Variants in MCF2L2 observed in about 807,000 individuals in gnomAD.
The protein encoded by MCF2L2 is MCF.2 cell line derived transforming sequence-like 2.
A neutral mutation model predicts 150.2 loss-of-function variants in MCF2L2; 102 were observed. The ratio of observed to expected loss-of-function variants is 0.68; its 90% CI spans 0.58 to 0.80. The LOEUF is 0.80. Ranked by LOEUF, MCF2L2 falls within the 30% of genes least tolerant of loss-of-function variation. The pLI, the probability that MCF2L2 is intolerant of heterozygous loss-of-function variation, is 0.00. For missense variants in MCF2L2, 1,256 were observed against 1,372.8 expected (o/e 0.91, Z 1.34); for synonymous variants, 465 against 491.3 (o/e 0.95, Z 0.71).
chr3:183,320,904 T>C (rs1729782337), intron 6 of MCF2L2, among the ~76,000 whole-genome samples: 1 of 152,202 alleles, frequency 6.6e-6, no homozygotes. Context: ...TCCTTTCACT[T>C]GAACACTTAG....
intron 6 of MCF2L2, among the ~76,000 whole-genome samples, chr3:183,321,272 T>C (rs545193583): frequency 6.6e-6 from 1 of 152,162 alleles, no homozygotes; most frequent in African/African-American, 2.4e-5. Flanking sequence ...ACCTTGTCTC[T>C]ACTAAAAATA....
At chr3:183,337,701 G>A (rs982232436) in intron 5 of MCF2L2, among the ~76,000 whole-genome samples, 20 of 152,150 alleles carry the variant, frequency 1.3e-4, no homozygotes, top group Non-Finnish European at 2.4e-4. Flanking sequence ...CAAGCATTAC[G>A]TTATTCTCAA....
chr3:183,279,331 G>T (rs1727347042), intron 14 of MCF2L2, among the ~76,000 whole-genome samples: 1 of 151,978 alleles, frequency 6.6e-6, no homozygotes, highest in Admixed American at 6.6e-5. Context: ...GAAAGCTCTA[G>T]GAGGAAGAGA....
At chr3:183,191,739 C>G (rs931846571) in intron 27 of MCF2L2, among the ~76,000 whole-genome samples, 1 of 152,150 alleles carries the variant, frequency 6.6e-6, no homozygotes, top group African/African-American at 2.4e-5. Context: ...TCAACTTTCA[C>G]CTTTTCACTT....
intron 25 of MCF2L2, among the ~76,000 whole-genome samples, chr3:183,195,461 A>G (rs1217195031): frequency 3.3e-5 from 5 of 152,066 alleles, no homozygotes; most frequent in Admixed American, 1.3e-4. Flanking sequence ...CATCCTCCCC[A>G]ACGTCTCTAC....
intron 25 of MCF2L2, among the ~76,000 whole-genome samples, chr3:183,202,383 T>C (rs1363537544): frequency 2.6e-5 from 4 of 152,110 alleles, no homozygotes; most frequent in Non-Finnish European, 5.9e-5. Context: ...TCATAGAGGG[T>C]TGTAAAGGCT....
chr3:183,228,332 T>C lies in MCF2L2; in HGVS notation c.2080A>G (p.Asn694Asp), dbSNP rs905031084. The change falls in exon 18 of 30, where the codon AAC (asparagine) becomes GAC (aspartate). Residue 694 changes from asparagine (N) to aspartate (D), a missense_variant. Physicochemically the swap from Asn to Asp is conservative, Grantham distance 23. Coordinates refer to ENST00000328913, the MANE Select transcript of MCF2L2 (RefSeq NM_015078.4). ...FLKELEKCAENPELLAHCFLK... is the reference protein window; with the variant it reads ...FLKELEKCAEDPELLAHCFLK... Reference sequence around the variant, plus strand: ...AAGCAATGTGCCAGAAGTTCAGGGTTCTCAGCACACTTTTCCAACTCTTTT... The same window carrying C: ...AAGCAATGTGCCAGAAGTTCAGGGTCCTCAGCACACTTTTCCAACTCTTTT... 8 of 1,613,414 alleles carry C rather than the reference T, an allele frequency of 5.0e-6. No homozygotes were observed. In the African/African-American group the frequency reaches 1.1e-4, roughly 22 times the overall value.
intron 2 of MCF2L2, among the ~76,000 whole-genome samples, chr3:183,384,192 T>G (rs1168081570): frequency 6.6e-6 from 1 of 152,208 alleles, no homozygotes; most frequent in African/African-American, 2.4e-5. Flanking sequence ...GGATCTAACT[T>G]AACCCACTCC....
chr3:183,244,059 G>A (rs534585086), intron 15 of MCF2L2, among the ~76,000 whole-genome samples: 3 of 152,078 alleles, frequency 2.0e-5, no homozygotes, highest in Non-Finnish European at 4.4e-5. Context: ...AGGAGGCGGA[G>A]CTTGCAGTGA....
At chr3:183,319,115 T>C (rs1729711261) in intron 6 of MCF2L2, among the ~76,000 whole-genome samples, 1 of 152,270 alleles carries the variant, frequency 6.6e-6, no homozygotes, top group Admixed American at 6.5e-5. Context: ...GTTAATCCTC[T>C]CAAACTCTGC....
chr3:183,229,704 G>C lies in MCF2L2; in HGVS notation c.2007C>G (p.Leu669=), dbSNP rs1391869333. ...PDVLQNNKDF[L]FGNIRELYEF... ...CGTAAAGTTCTCTAATATTCCCAAA[G>C]AGAAAGTCCTTGTTATTCTGAAGAA... Residue 669 remains leucine, a synonymous_variant, in exon 17 of 30, where the codon CTC becomes CTG. Transcript: ENST00000328913. The C allele has an allele frequency of 6.3e-7, 1 of 1,597,864 alleles. No homozygotes were observed. Among genetic ancestry groups the C allele is most frequent in the Non-Finnish European group, 8.6e-7 (1 of 1,168,078 alleles).
At chr3:183,248,297 A>G (rs1724351879) in intron 15 of MCF2L2, among the ~76,000 whole-genome samples, 1 of 152,138 alleles carries the variant, frequency 6.6e-6, no homozygotes, top group African/African-American at 2.4e-5. Context: ...ATATGGTTTC[A>G]GATCACATTA....
chr3:183,342,825 T>C (rs562821935), intron 3 of MCF2L2, among the ~76,000 whole-genome samples: 29 of 152,290 alleles, frequency 1.9e-4, no homozygotes, highest in African/African-American at 7.0e-4. Context: ...ACATGATAAG[T>C]AGTTGGCCTA....
At chr3:183,265,314 A>G (rs921264439) in intron 15 of MCF2L2, 5 of 152,408 alleles carry the variant, frequency 3.3e-5, no homozygotes, top group African/African-American at 1.2e-4. Context: ...CACCCACAGC[A>G]GTCTGTTGTG....
chr3:183,319,525 C>T (rs185863838), intron 6 of MCF2L2, among the ~76,000 whole-genome samples: 13 of 147,288 alleles, frequency 8.8e-5, no homozygotes, highest in Admixed American at 6.6e-4. Flanking sequence ...TCTACTGACA[C>T]CCATCAGAGG....
chr3:183,367,260 T>C (rs951320888), intron 3 of MCF2L2, among the ~76,000 whole-genome samples: 1 of 151,706 alleles, frequency 6.6e-6, no homozygotes, highest in African/African-American at 2.4e-5. Flanking sequence ...AGTTTCTTTC[T>C]TGTTGCCCAG....
chr3:183,304,060 T>TC (rs1163412608), intron 10 of MCF2L2, among the ~76,000 whole-genome samples: 1 of 152,036 alleles, frequency 6.6e-6, no homozygotes, highest in Non-Finnish European at 1.5e-5. Context: ...CCTTCCCTAC[T>TC]CCCCCTCACC....
chr3:183,184,733 G>A (rs1175012422), intron 27 of MCF2L2, among the ~76,000 whole-genome samples: 2 of 152,060 alleles, frequency 1.3e-5, no homozygotes, highest in African/African-American at 4.8e-5. Context: ...ACATATTTTT[G>A]GTAAATTATA....
intron 15 of MCF2L2, among the ~76,000 whole-genome samples, chr3:183,263,044 G>A (rs1173307107): frequency 6.6e-6 from 1 of 152,046 alleles, no homozygotes; most frequent in East Asian, 1.9e-4. Context: ...AGGGTGGGGT[G>A]GCAGAAGGTT....
Sources: gnomAD v4.1 joint callset for allele counts (sites outside exome capture counted in the v4.1 genomes callset) on GRCh38, gnomAD v4.1.1 for gene constraint, MANE v1.5 for transcripts, NCBI Gene and HGNC (gene_info 2026-07-23, HGNC 2026-07-21) for gene names.